Variants in KIAA0753 observed in about 807,000 individuals in gnomAD.
KIAA0753 encodes KIAA0753.
Under a neutral mutation model 116.9 loss-of-function variants are expected in KIAA0753, and 114 were observed. That is an observed-to-expected ratio of 0.98 (90% CI 0.84 to 1.14). The LOEUF (loss-of-function observed/expected upper bound fraction) is 1.14, where lower values mean the gene tolerates loss of function less well. KIAA0753 is among the 50% of genes most tolerant of loss of function. The probability of loss-of-function intolerance (pLI) is 0.00; values close to 1 mark genes in which losing one functional copy is unlikely to be tolerated. For missense variants in KIAA0753, 1,156 were observed against 1,172.4 expected (o/e 0.99, Z 0.20); for synonymous variants, 405 against 413.1 (o/e 0.98, Z 0.24).
intron 3 of KIAA0753, among the ~76,000 whole-genome samples, chr17:6,625,693 G>A (rs1971624221): frequency 6.6e-6 from 1 of 152,008 alleles, no homozygotes; most frequent in African/African-American, 2.4e-5. Context: ...AAAAAAGAGA[G>A]AGAGACATTA....
At position 6,603,471 on chromosome 17, in the gene KIAA0753, C is replaced by A. The variant is rs1420117507; in HGVS notation, c.2010-3013G>T. The stretch of plus-strand genomic sequence containing the variant: ...AGCAATTCTGATTTCTCATTGGAAA[C>A]AAGCCAATGAGCAGAAATGCTCAGA... On this transcript the variant is annotated intron_variant, in intron 12 of 18. Coordinates refer to ENST00000361413, the MANE Select transcript of KIAA0753 (RefSeq NM_014804.3). Among the ~76,000 whole-genome samples the A allele has an allele frequency of 3.9e-5, 6 of 152,208 alleles. No homozygotes were observed. In the South Asian group the frequency reaches 6.2e-4, roughly 16 times the overall value.
rs577481815 is a variant in KIAA0753, at chr17:6,579,759, C to T, written c.2892G>A (p.Glu964=). 2.6e-5 allele frequency: 42 copies of T among 1,612,472 alleles called. No homozygotes were observed. The South Asian group carries it at 3.8e-4, about 15-fold the overall frequency. The change falls in exon 19 of 19, where the codon GAG becomes GAA. Residue 964 remains glutamate, a synonymous_variant. Transcript: ENST00000361413. ...CCTCAGAGAGCCTTTATGTAGCAGC[C>T]TCTAAGAATTCTGAGGTGAACACAG... ...AEAVFTSEFL[E]AAT
chr17:6,580,130 G>A (rs573910662), intron 18 of KIAA0753, among the ~76,000 whole-genome samples: 4 of 151,732 alleles, frequency 2.6e-5, no homozygotes, highest in Non-Finnish European at 4.4e-5. Flanking sequence ...AGATTGCAGT[G>A]AGCAGAGATC....
At position 6,597,987 on chromosome 17, in the gene KIAA0753, T is replaced by C. The variant is rs192466199; in HGVS notation, c.2172+1250A>G. Among the ~76,000 whole-genome samples the C allele has an allele frequency of 3.0e-3, 463 of 152,352 alleles. 5 individuals are homozygous for C. Among genetic ancestry groups the C allele is most frequent in the African/African-American group, 0.011 (449 of 41,574 alleles). Reference sequence around the variant, plus strand: ...GGAATACTCTGCAGTGAAGCTGCTATTTAACAACAGCCCAGAATTCTAAAT... The same window carrying C: ...GGAATACTCTGCAGTGAAGCTGCTACTTAACAACAGCCCAGAATTCTAAAT... On this transcript the variant is annotated intron_variant, in intron 14 of 18. Transcript: ENST00000361413.
chr17:6,596,175 G>A lies in KIAA0753; in HGVS notation c.2341C>T (p.Arg781Ter), dbSNP rs1279452494. The A allele has an allele frequency of 4.3e-6, 7 of 1,613,664 alleles. No individual in the cohort carries two copies. The highest frequency in any genetic ancestry group is 5.9e-6 in the Non-Finnish European group (7 of 1,179,778). The part of the protein sequence containing the change: ...DSPDLEIMMR[R>*]MEEMEKYQES... ...GACCTTACTTCCATCTCTTCCATTC[G>A]GCGCATCATGATCTCCAGATCTGGG... Residue 781 changes from arginine to a stop codon, truncating the protein, a stop_gained, in exon 15 of 19, where the codon CGA becomes TGA. Coordinates refer to ENST00000361413, the MANE Select transcript of KIAA0753 (RefSeq NM_014804.3). LOFTEE classifies it high-confidence loss of function.
intron 8 of KIAA0753, among the ~76,000 whole-genome samples, chr17:6,610,946 T>C (rs893300959): frequency 1.3e-5 from 2 of 152,150 alleles, no homozygotes; most frequent in African/African-American, 2.4e-5. Context: ...CCATAGAAGT[T>C]TGGGAAGAAA....
At chr17:6,597,051 C>A (rs1295538251) in intron 14 of KIAA0753, among the ~76,000 whole-genome samples, 1 of 152,104 alleles carries the variant, frequency 6.6e-6, no homozygotes, top group African/African-American at 2.4e-5. Flanking sequence ...CAAATTTGGG[C>A]AAGTTTACTT....
chr17:6,612,158 A>G lies in KIAA0753; in HGVS notation c.1316-10T>C. 6.3e-7 allele frequency: 1 copy of G among 1,589,698 alleles called. No homozygotes were observed. Among genetic ancestry groups the G allele is most frequent in the Non-Finnish European group, 8.6e-7 (1 of 1,166,534 alleles). On this transcript the variant is annotated splice_polypyrimidine_tract_variant and intron_variant, in intron 7 of 18. Coordinates refer to ENST00000361413, the MANE Select transcript of KIAA0753 (RefSeq NM_014804.3). ...TCGGGCTGATACTTATCTACATGGA[A>G]ATTTTTGAAAAACAAACTGAGGAAA...
At chr17:6,625,128 G>A (rs991581804) in intron 3 of KIAA0753, among the ~76,000 whole-genome samples, 3 of 152,126 alleles carry the variant, frequency 2.0e-5, no homozygotes, top group South Asian at 2.1e-4. Context: ...ACTGGACAGC[G>A]ATTTCACTAT....
chr17:6,581,596 G>A (rs1454201886), intron 18 of KIAA0753, among the ~76,000 whole-genome samples: 4 of 152,124 alleles, frequency 2.6e-5, no homozygotes, highest in Admixed American at 2.0e-4. Flanking sequence ...TGCCAAACAC[G>A]GATTTTCTAC....
chr17:6,600,470 T>C lies in KIAA0753; in HGVS notation c.2010-12A>G. ...GGGTGGCAGAAACACTATTTAGAAA[T>C]AAAATTGAAAATTAAAATCAAAGGC... On this transcript the variant is annotated splice_polypyrimidine_tract_variant and intron_variant, in intron 12 of 18. Coordinates refer to ENST00000361413, the MANE Select transcript of KIAA0753 (RefSeq NM_014804.3). 6.2e-7 allele frequency: 1 copy of C among 1,601,206 alleles called. No individual in the cohort carries two copies. The highest frequency in any genetic ancestry group is 2.2e-5 in the East Asian group (1 of 44,820).
rs1030841955 is a variant in KIAA0753, at chr17:6,599,776, G to C, written c.2089-456C>G. On this transcript the variant is annotated intron_variant, in intron 13 of 18. Transcript: ENST00000361413. ...TAAAAATAGAGAAGTTCAGTGGCCT[G>C]TTTAGGGACCCCGAATGTCATTCAT... Among the ~76,000 whole-genome samples, 15 of 152,270 alleles carry C rather than the reference G, an allele frequency of 9.9e-5. No homozygotes were observed. The East Asian group carries it at 2.9e-3, about 29-fold the overall frequency.
chr17:6,588,254 A>C (rs1035482521), intron 18 of KIAA0753, among the ~76,000 whole-genome samples: 6 of 152,234 alleles, frequency 3.9e-5, no homozygotes, highest in African/African-American at 1.4e-4. Context: ...GAAGGGAGAC[A>C]CTTTCACACT....
At chr17:6,605,423 A>G (rs1482116251) in intron 12 of KIAA0753, among the ~76,000 whole-genome samples, 1 of 152,178 alleles carries the variant, frequency 6.6e-6, no homozygotes, top group Non-Finnish European at 1.5e-5. Context: ...CTGTGTGTGC[A>G]GGACTCACTC....
At chr17:6,591,849 G>T (rs1969091944) in intron 16 of KIAA0753, among the ~76,000 whole-genome samples, 1 of 152,230 alleles carries the variant, frequency 6.6e-6, no homozygotes, top group African/African-American at 2.4e-5. Context: ...GATGAAAAGG[G>T]CCCTTGCCGG....
intron 2 of KIAA0753, 47 bp from the exon 3 acceptor site, chr17:6,628,788 T>C (rs1295237251): frequency 3.9e-6 from 6 of 1,524,910 alleles, no homozygotes; most frequent in African/African-American, 1.4e-5. Flanking sequence ...AAATTTCATA[T>C]TGCACAGTTG....
intron 18 of KIAA0753, among the ~76,000 whole-genome samples, chr17:6,580,930 A>ACACC (rs149966522): frequency 0.024 from 3,426 of 143,962 alleles, 145 homozygotes; most frequent in African/African-American, 0.078. Context: ...ACACACACAC[A>ACACC]CCTTCATTTT....
At chr17:6,614,507 T>TGGG (rs34769605) in intron 7 of KIAA0753, among the ~76,000 whole-genome samples, 113 of 147,178 alleles carry the variant, frequency 7.7e-4, no homozygotes, top group Admixed American at 4.8e-4. Context: ...CAAGCATAAG[T>TGGG]GGGGGGGGGT....
chr17:6,614,559 A>G (rs1970756882), intron 7 of KIAA0753, among the ~76,000 whole-genome samples: 1 of 152,204 alleles, frequency 6.6e-6, no homozygotes, highest in Admixed American at 6.5e-5. Flanking sequence ...ATATTTACAT[A>G]AAACAATACT....
Sources: allele counts gnomAD v4.1 joint callset (sites outside exome capture counted in the v4.1 genomes callset), GRCh38; gene constraint gnomAD v4.1.1; transcripts MANE v1.5; gene names NCBI Gene and HGNC (gene_info 2026-07-23, HGNC 2026-07-21).